Variants in EBF1 observed in about 807,000 individuals in gnomAD.
The protein encoded by EBF1 is transcription factor COE1.
EBF1 carries 10 observed loss-of-function variants against 68.4 expected under a neutral mutation model. That is an observed-to-expected ratio of 0.15 (90% CI 0.09 to 0.25). The LOEUF (loss-of-function observed/expected upper bound fraction) is 0.25. Ranked by LOEUF, EBF1 falls within the 10% of genes least tolerant of loss-of-function variation. The pLI, the probability that EBF1 is intolerant of heterozygous loss-of-function variation, is 1.00. For synonymous variants in EBF1, 298 were observed against 299.8 expected, an observed-to-expected ratio of 0.99 and a Z score of 0.06; for missense variants, 509 against 794.4, an observed-to-expected ratio of 0.64 and a Z score of 4.32.
intron 5 of EBF1, among the ~76,000 whole-genome samples, chr5:159,075,653 C>G (rs569176391): frequency 6.6e-6 from 1 of 152,290 alleles, no homozygotes; most frequent in Non-Finnish European, 1.5e-5. Context: ...CCACTCTGAC[C>G]CCCTGCAATA....
intron 6 of EBF1, among the ~76,000 whole-genome samples, chr5:158,843,775 G>C (rs1790820198): frequency 6.6e-6 from 1 of 152,116 alleles, no homozygotes; most frequent in Non-Finnish European, 1.5e-5. Context: ...GTTCCTTAAA[G>C]GAACTGAGAG....
intron 6 of EBF1, among the ~76,000 whole-genome samples, chr5:159,027,642 T>G (rs182712409): frequency 6.6e-6 from 1 of 152,336 alleles, no homozygotes; most frequent in East Asian, 1.9e-4. Flanking sequence ...GATCTTCAGA[T>G]CACACTATCC....
chr5:158,793,406 G>A (rs1260503042), intron 9 of EBF1, among the ~76,000 whole-genome samples: 19 of 152,052 alleles, frequency 1.2e-4, no homozygotes, highest in Admixed American at 1.0e-3. Context: ...AATTTTATTC[G>A]ATTAAAAACA....
intron 8 of EBF1, among the ~76,000 whole-genome samples, chr5:158,822,251 TGGATGGAC>T (rs200492537): frequency 0.11 from 16,561 of 148,880 alleles, 1,011 homozygotes; most frequent in East Asian, 0.17. Context: ...CACTCATTCT[TGGATGGAC>T]GGATGGACGG....
intron 8 of EBF1, among the ~76,000 whole-genome samples, chr5:158,804,672 A>G (rs1435060149): frequency 1.3e-5 from 2 of 152,176 alleles, no homozygotes; most frequent in Non-Finnish European, 2.9e-5. Flanking sequence ...GTTTCATAAT[A>G]TGCAAAAATT....
intron 10 of EBF1, among the ~76,000 whole-genome samples, chr5:158,744,133 A>G (rs7725619): frequency 0.3 from 46,085 of 151,718 alleles, 7,541 homozygotes; most frequent in African/African-American, 0.4. Flanking sequence ...CAGCCTGGGC[A>G]ACAAAGTGAG....
chr5:158,846,112 T>C (rs962109578), intron 6 of EBF1, among the ~76,000 whole-genome samples: 2 of 152,172 alleles, frequency 1.3e-5, no homozygotes, highest in Admixed American at 6.5e-5. Flanking sequence ...TGCCTGCAGA[T>C]GGTTATGTGG....
intron 6 of EBF1, among the ~76,000 whole-genome samples, chr5:158,992,202 C>T (rs1361366083): frequency 1.3e-5 from 2 of 150,544 alleles, no homozygotes; most frequent in African/African-American, 4.9e-5. Context: ...CTTCCAGAAT[C>T]CTTAAATAAA....
intron 5 of EBF1, among the ~76,000 whole-genome samples, chr5:159,081,934 C>G (rs1779801324): frequency 6.6e-6 from 1 of 152,130 alleles, no homozygotes; most frequent in African/African-American, 2.4e-5. Context: ...GGCAGAGACT[C>G]TCTCAGAATT....
At chr5:158,759,698 C>T (rs1391651606) in intron 10 of EBF1, among the ~76,000 whole-genome samples, 1 of 152,118 alleles carries the variant, frequency 6.6e-6, no homozygotes, top group Non-Finnish European at 1.5e-5. Context: ...CCTCATTGCA[C>T]TGTACCAGAT....
intron 10 of EBF1, among the ~76,000 whole-genome samples, chr5:158,771,591 A>G (rs1479081564): frequency 1.3e-5 from 2 of 152,178 alleles, no homozygotes; most frequent in Non-Finnish European, 2.9e-5. Flanking sequence ...AAGATTGAGG[A>G]AGAGTTTCTA....
At chr5:158,887,338 C>G (rs1800263867) in intron 6 of EBF1, among the ~76,000 whole-genome samples, 1 of 152,068 alleles carries the variant, frequency 6.6e-6, no homozygotes, top group Admixed American at 6.6e-5. Context: ...ATTCTTTGAT[C>G]CTAAAAATAA....
At chr5:158,815,498 G>C (rs559175460) in intron 8 of EBF1, among the ~76,000 whole-genome samples, 1 of 152,120 alleles carries the variant, frequency 6.6e-6, no homozygotes, top group South Asian at 2.1e-4. Flanking sequence ...TATAGTAAAT[G>C]ATCCATAAAT....
chr5:159,015,720 T>C (rs1013123690), intron 6 of EBF1, among the ~76,000 whole-genome samples: 2 of 152,212 alleles, frequency 1.3e-5, no homozygotes, highest in Admixed American at 1.3e-4. Flanking sequence ...CTGTAAGCAC[T>C]GGGGACAGTG....
At chr5:158,707,938 G>A (rs1279672874) in intron 15 of EBF1, 41 bp downstream of exon 15, 3 of 1,539,138 alleles carry the variant, frequency 1.9e-6, no homozygotes, top group Non-Finnish European at 2.6e-6. Flanking sequence ...GGTGAAGTCA[G>A]GGCATTGAAT....
chr5:158,839,847 G>T (rs1444985263), intron 7 of EBF1, among the ~76,000 whole-genome samples, 182 bp downstream of exon 7: 1 of 152,146 alleles, frequency 6.6e-6, no homozygotes, highest in Admixed American at 6.5e-5. Flanking sequence ...AGCACAGGTG[G>T]TACAGTTCCC....
intron 6 of EBF1, among the ~76,000 whole-genome samples, chr5:159,058,787 G>A (rs1393960501): frequency 3.3e-5 from 5 of 152,166 alleles, no homozygotes; most frequent in Non-Finnish European, 5.9e-5. Flanking sequence ...ACGTATCTTA[G>A]TGCTTGAATT....
chr5:158,696,075 T>TTGA lies in EBF1; in HGVS notation c.*3033_*3035dup, dbSNP rs1755716860. The TTGA allele has an allele frequency of 4.7e-6, 1 of 211,362 alleles. No homozygotes were observed. Among genetic ancestry groups the TTGA allele is most frequent in the South Asian group, 1.9e-4 (1 of 5,326 alleles). 13.1% of individuals were successfully genotyped at this position (211,362 alleles called of 1,614,324 possible). A position where few individuals can be genotyped will look rare whatever the true frequency, so the allele number is the denominator to read the frequency against. On this transcript the variant is annotated 3_prime_UTR_variant, in exon 16 of 16. Coordinates refer to ENST00000313708, the MANE Select transcript of EBF1 (RefSeq NM_024007.5). Reference sequence around the variant, plus strand: ...ACAGTGTGTGTCTATTCAAAAAGTTTTGATAAGAAGGTGAAAGGTTAGTAG... The same window carrying TTGA: ...ACAGTGTGTGTCTATTCAAAAAGTTTTGATGATAAGAAGGTGAAAGGTTAGTAG...
chr5:158,984,237 A>G (rs902432328), intron 6 of EBF1, among the ~76,000 whole-genome samples: 10 of 152,134 alleles, frequency 6.6e-5, no homozygotes, highest in Non-Finnish European at 1.0e-4. Context: ...AAATGTTAAG[A>G]TTCTCACCTG....
Sources: allele counts gnomAD v4.1 joint callset (sites outside exome capture counted in the v4.1 genomes callset), GRCh38; gene constraint gnomAD v4.1.1; transcripts MANE v1.5; gene names NCBI Gene and HGNC (gene_info 2026-07-23, HGNC 2026-07-21).